The following ADGRB3 variants were observed in gnomAD, a reference collection of about 807,000 sequenced individuals.
The protein encoded by ADGRB3 is adhesion G protein-coupled receptor B3.
ADGRB3 carries 37 observed loss-of-function variants against 193.4 expected under a neutral mutation model. The observed-to-expected ratio is 0.19, with a 90% CI of 0.15 to 0.25. The LOEUF is 0.25. ADGRB3 is among the 10% of genes least tolerant of loss of function. The probability of loss-of-function intolerance (pLI) is 1.00; values close to 1 mark genes in which losing one functional copy is unlikely to be tolerated. For missense variants in ADGRB3, 1,637 were observed against 1,852.9 expected, an observed-to-expected ratio of 0.88 and a Z score of 2.14; for synonymous variants, 690 against 644.2, an observed-to-expected ratio of 1.07 and a Z score of -1.08.
intron 16 of ADGRB3, among the ~76,000 whole-genome samples, chr6:69,075,323 C>T (rs1772197325): frequency 1.3e-5 from 2 of 152,158 alleles, no homozygotes; most frequent in South Asian, 4.1e-4. Flanking sequence ...CATTAGAACT[C>T]TTCAAAACAG....
chr6:69,325,048 T>G (rs1166092078), intron 21 of ADGRB3, 26 bp downstream of exon 21: 9 of 1,598,696 alleles, frequency 5.6e-6, no homozygotes, highest in Admixed American at 1.7e-5. Context: ...TACCGTTTCA[T>G]GCTCTTCTCA....
At chr6:69,325,073 A>G in intron 21 of ADGRB3, 51 bp downstream of exon 21, 2 of 1,571,918 alleles carry the variant, frequency 1.3e-6, no homozygotes, top group Non-Finnish European at 1.7e-6. Flanking sequence ...GACGTTGAAC[A>G]CACATTAGAA....
At chr6:69,162,213 T>C (rs1449854582) in intron 17 of ADGRB3, among the ~76,000 whole-genome samples, 1 of 152,118 alleles carries the variant, frequency 6.6e-6, no homozygotes, top group Non-Finnish European at 1.5e-5. Flanking sequence ...GTTAAGAAGT[T>C]CTTGCATAAC....
intron 31 of ADGRB3, 80 bp downstream of exon 31, chr6:69,383,015 G>T: frequency 1.1e-6 from 1 of 924,504 alleles, no homozygotes; most frequent in Non-Finnish European, 1.6e-6. Flanking sequence ...ACCTCCTAAT[G>T]GTGGGAACAT....
chr6:69,219,134 G>A (rs1765835191), intron 17 of ADGRB3, among the ~76,000 whole-genome samples: 1 of 151,920 alleles, frequency 6.6e-6, no homozygotes, highest in Non-Finnish European at 1.5e-5. Flanking sequence ...TTGCAAAGAT[G>A]AAAATTGTTC....
intron 13 of ADGRB3, among the ~76,000 whole-genome samples, chr6:69,040,271 C>G (rs12207072): frequency 6.6e-6 from 1 of 151,848 alleles, no homozygotes; most frequent in Non-Finnish European, 1.5e-5. Flanking sequence ...TTCCCCCACT[C>G]TATTGTCAGG....
At chr6:68,697,618 T>G (rs977429229) in intron 3 of ADGRB3, among the ~76,000 whole-genome samples, 2 of 151,964 alleles carry the variant, frequency 1.3e-5, no homozygotes, top group African/African-American at 4.8e-5. Flanking sequence ...CTAGAAATCA[T>G]CCTCAGACTT....
intron 3 of ADGRB3, among the ~76,000 whole-genome samples, chr6:68,788,509 G>T (rs1019473687): frequency 6.6e-6 from 1 of 152,112 alleles, no homozygotes; most frequent in Non-Finnish European, 1.5e-5. Context: ...ATTGCACTGT[G>T]GTCTGAGAGA....
chr6:68,741,531 C>T (rs551065882), intron 3 of ADGRB3, among the ~76,000 whole-genome samples: 42 of 152,120 alleles, frequency 2.8e-4, no homozygotes, highest in Non-Finnish European at 5.0e-4. Context: ...GGACTACAGA[C>T]ATGTGCCACT....
intron 3 of ADGRB3, among the ~76,000 whole-genome samples, chr6:68,682,817 G>A (rs1319606337): frequency 3.4e-5 from 5 of 147,676 alleles, no homozygotes; most frequent in Admixed American, 6.8e-5. Context: ...CCCTCTTGAC[G>A]CCCAGGCTGG....
intron 23 of ADGRB3, chr6:69,332,346 GA>G (rs1768749451): frequency 7.1e-6 from 7 of 985,408 alleles, no homozygotes; most frequent in Non-Finnish European, 8.4e-6. Context: ...TGTCCATTGT[GA>G]AAAAGATTCT....
chr6:68,834,594 TA>T (rs1768011991), intron 3 of ADGRB3, among the ~76,000 whole-genome samples: 2 of 152,310 alleles, frequency 1.3e-5, no homozygotes, highest in African/African-American at 4.8e-5. Flanking sequence ...ATCAGAAATC[TA>T]GAAGATTGCA....
chr6:69,046,050 C>A (rs551035349), intron 13 of ADGRB3, among the ~76,000 whole-genome samples: 1 of 152,172 alleles, frequency 6.6e-6, no homozygotes, highest in South Asian at 2.1e-4. Context: ...ATTAGACGAG[C>A]ATTTATTATG....
At chr6:68,896,597 T>C (rs1766224959) in intron 3 of ADGRB3, among the ~76,000 whole-genome samples, 1 of 152,138 alleles carries the variant, frequency 6.6e-6, no homozygotes, top group East Asian at 1.9e-4. Context: ...TAAAATCTGG[T>C]AGATATGTTA....
At position 69,011,165 on chromosome 6, in the gene ADGRB3, G is replaced by GTGTATA. The variant is rs1312268133; in HGVS notation, c.1930-2871_1930-2866dup. 1.7e-4 allele frequency among the ~76,000 whole-genome samples: 22 copies of GTGTATA among 133,234 alleles called. No homozygotes were observed. The South Asian group carries it at 5.3e-3, about 32-fold the overall frequency. 87.4% of individuals were successfully genotyped at this position (133,234 alleles called of 152,430 possible). A position where few individuals can be genotyped will look rare whatever the true frequency, so the allele number is the denominator to read the frequency against. Reference sequence around the variant, plus strand: ...TGTGTGTGTGTGTGTGTGTGTGTGTGTGTATATATATATTCTATATGTGTG... The same window carrying GTGTATA: ...TGTGTGTGTGTGTGTGTGTGTGTGTGTGTATATGTATATATATATTCTATATGTGTG... On this transcript the variant is annotated intron_variant, in intron 11 of 31. Coordinates refer to ENST00000370598, the MANE Select transcript of ADGRB3 (RefSeq NM_001704.3).
At chr6:68,884,089 C>G (rs751341162) in intron 3 of ADGRB3, among the ~76,000 whole-genome samples, 7 of 152,208 alleles carry the variant, frequency 4.6e-5, no homozygotes, top group Non-Finnish European at 7.3e-5. Context: ...CCTTCTCTCT[C>G]TTGCGAATGA....
intron 3 of ADGRB3, among the ~76,000 whole-genome samples, chr6:68,693,593 A>G (rs1014257553): frequency 1.3e-5 from 2 of 151,984 alleles, no homozygotes; most frequent in Admixed American, 1.3e-4. Flanking sequence ...AATAGTTTCT[A>G]ATAAAATGTC....
rs193002811 is a variant in ADGRB3 at position 69,153,886 on chromosome 6, G to A, written c.2480+77848G>A. ...CATGTGCCTGTAGTCCCAGCTACTC[G>A]GGAGGCTGAGGCAGGAGAATGGTGT... On this transcript the variant is annotated intron_variant, in intron 17 of 31. Transcript: ENST00000370598. Among the ~76,000 whole-genome samples the A allele has an allele frequency of 1.8e-3, 272 of 152,038 alleles. 2 individuals are homozygous for A. Among genetic ancestry groups the A allele is most frequent in the African/African-American group, 6.2e-3 (256 of 41,502 alleles).
chr6:68,788,273 C>G (rs1015239890), intron 3 of ADGRB3, among the ~76,000 whole-genome samples: 1 of 152,048 alleles, frequency 6.6e-6, no homozygotes, highest in African/African-American at 2.4e-5. Context: ...ATCTTTCCTG[C>G]TTTCTCTTGT....
Sources: allele counts gnomAD v4.1 joint callset (sites outside exome capture counted in the v4.1 genomes callset), GRCh38; gene constraint gnomAD v4.1.1; transcripts MANE v1.5; gene names NCBI Gene and HGNC (gene_info 2026-07-23, HGNC 2026-07-21).